ITPR1: variants seen among roughly 807,000 people sequenced by gnomAD.
The protein encoded by ITPR1 is inositol 1,4,5-trisphosphate receptor type 1, also known as inositol 1,4,5-trisphosphate-gated calcium channel ITPR1.
A neutral mutation model predicts 318.4 loss-of-function variants in ITPR1; 96 were observed. The ratio of observed to expected loss-of-function variants is 0.30; its 90% CI spans 0.26 to 0.36. ITPR1 has a LOEUF of 0.36. Among genes scored for constraint, ITPR1 ranks in the 10% least tolerant of loss-of-function variants. The probability of loss-of-function intolerance (pLI) is 1.00; values close to 1 mark genes in which losing one functional copy is unlikely to be tolerated. For synonymous variants in ITPR1, 1,312 were observed against 1,289.9 expected (o/e 1.02, Z -0.37); for missense variants, 2,440 against 3,460.2 (o/e 0.71, Z 7.40).
At chr3:4,738,539 C>T (rs1169444428) in intron 44 of ITPR1, among the ~76,000 whole-genome samples, 2 of 152,166 alleles carry the variant, frequency 1.3e-5, no homozygotes, top group African/African-American at 2.4e-5. Context: ...TGCACAAAGG[C>T]ACCATTAATT....
intron 60 of ITPR1, among the ~76,000 whole-genome samples, chr3:4,824,243 G>A (rs2049923306): frequency 1.3e-5 from 2 of 152,182 alleles, no homozygotes; most frequent in Non-Finnish European, 2.9e-5. Flanking sequence ...AGATTGGATA[G>A]TAAGGAATAG....
intron 2 of ITPR1, among the ~76,000 whole-genome samples, chr3:4,514,354 C>T (rs2082040560): frequency 6.6e-6 from 1 of 152,162 alleles, no homozygotes; most frequent in Non-Finnish European, 1.5e-5. Flanking sequence ...AATGCAGAAC[C>T]GTGCTGTAGG....
At chr3:4,653,938 T>A (rs371399868) in intron 12 of ITPR1, 52 bp downstream of exon 12, 1 of 1,292,662 alleles carries the variant, frequency 7.7e-7, no homozygotes, top group Non-Finnish European at 1.1e-6. Context: ...TGCGGCCAAA[T>A]GATCTGGAGC....
At chr3:4,661,162 G>C (rs2093824410) in intron 14 of ITPR1, 75 bp downstream of exon 14, 1 of 828,176 alleles carries the variant, frequency 1.2e-6, no homozygotes, top group Admixed American at 2.0e-5. Flanking sequence ...GGACAGATCA[G>C]GGAGTATGGA....
chr3:4,783,296 G>T (rs976351325), intron 50 of ITPR1, among the ~76,000 whole-genome samples: 4 of 151,966 alleles, frequency 2.6e-5, no homozygotes, highest in Admixed American at 1.3e-4. Context: ...TTGAGCTTTC[G>T]GTGGGTAGGG....
intron 4 of ITPR1, among the ~76,000 whole-genome samples, chr3:4,622,305 G>C (rs1468405147): frequency 1.3e-5 from 2 of 150,786 alleles, no homozygotes; most frequent in Non-Finnish European, 3.0e-5. Flanking sequence ...AGTAGAGATG[G>C]GGTTTCACCA....
chr3:4,820,856 C>T (rs986676437), intron 60 of ITPR1, among the ~76,000 whole-genome samples: 1 of 152,106 alleles, frequency 6.6e-6, no homozygotes, highest in Non-Finnish European at 1.5e-5. Flanking sequence ...TTAGCCCCAT[C>T]AGGGTAGCGG....
intron 60 of ITPR1, among the ~76,000 whole-genome samples, chr3:4,830,353 T>G (rs1199896096): frequency 6.6e-6 from 1 of 152,050 alleles, no homozygotes; most frequent in African/African-American, 2.4e-5. Context: ...ACCAACAGAT[T>G]CTGTGTTTTT....
chr3:4,831,177 TCC>T (rs1479491549), intron 60 of ITPR1: 1 of 358,586 alleles, frequency 2.8e-6, no homozygotes. Flanking sequence ...TCTGTCTCTC[TCC>T]CTCTTTCCAG....
intron 2 of ITPR1, among the ~76,000 whole-genome samples, chr3:4,513,902 A>G (rs2082006338): frequency 6.6e-6 from 1 of 152,228 alleles, no homozygotes; most frequent in East Asian, 1.9e-4. Context: ...CCTGTCCAAC[A>G]TGGCAAAACC....
chr3:4,765,534 G>C (rs953510101), intron 44 of ITPR1, among the ~76,000 whole-genome samples: 4 of 152,098 alleles, frequency 2.6e-5, no homozygotes, highest in Admixed American at 2.6e-4. Flanking sequence ...AAGGTGATAA[G>C]ATTTAAGTTC....
At chr3:4,798,555 A>C (rs2125420439) in intron 53 of ITPR1, among the ~76,000 whole-genome samples, 1 of 152,354 alleles carries the variant, frequency 6.6e-6, no homozygotes, top group Middle Eastern at 3.4e-3. Flanking sequence ...TTGTCTTTTA[A>C]AGTTAAACAT....
chr3:4,775,213 CACCGA>C, intron 46 of ITPR1, 24 bp from the exon 47 acceptor site: 1 of 1,547,784 alleles, frequency 6.5e-7, no homozygotes, highest in Non-Finnish European at 8.9e-7. Context: ...TGCCTTTGCT[CACCGA>C]ACCTGGGGAC....
At chr3:4,671,473 A>G (rs929629472) in intron 20 of ITPR1, 4 of 152,256 alleles carry the variant, frequency 2.6e-5, no homozygotes, top group African/African-American at 9.7e-5. Flanking sequence ...CCATTCCAAC[A>G]CCATAGGATT....
intron 4 of ITPR1, among the ~76,000 whole-genome samples, chr3:4,555,245 C>T (rs1309335217): frequency 6.6e-6 from 1 of 152,168 alleles, no homozygotes; most frequent in Non-Finnish European, 1.5e-5. Flanking sequence ...GGTGAGGAAA[C>T]TACCTTAGGT....
chr3:4,836,239 T>G (rs1349123445), intron 60 of ITPR1, among the ~76,000 whole-genome samples: 2 of 152,060 alleles, frequency 1.3e-5, no homozygotes, highest in Non-Finnish European at 2.9e-5. Context: ...AGAATGGTGG[T>G]TGCCCGGGGC....
At chr3:4,594,627 A>T (rs913351371) in intron 4 of ITPR1, among the ~76,000 whole-genome samples, 7 of 152,158 alleles carry the variant, frequency 4.6e-5, no homozygotes, top group African/African-American at 1.7e-4. Context: ...CAGGAAGCAG[A>T]AGAGAGTAAA....
At chr3:4,582,858 C>G (rs2089497091) in intron 4 of ITPR1, among the ~76,000 whole-genome samples, 1 of 152,178 alleles carries the variant, frequency 6.6e-6, no homozygotes, top group African/African-American at 2.4e-5. Flanking sequence ...GTGCGTGCTT[C>G]AGGGAAGCTG....
intron 23 of ITPR1, among the ~76,000 whole-genome samples, chr3:4,676,234 A>C (rs1235705616): frequency 1.3e-5 from 2 of 151,926 alleles, no homozygotes; most frequent in African/African-American, 4.8e-5. Context: ...AGTCCTAGCT[A>C]CTTGAGACGT....
Sources: allele counts gnomAD v4.1 joint callset (sites outside exome capture counted in the v4.1 genomes callset), GRCh38; gene constraint gnomAD v4.1.1; transcripts MANE v1.5; gene names NCBI Gene and HGNC (gene_info 2026-07-23, HGNC 2026-07-21).